DNAAF1: variants seen among roughly 807,000 people sequenced by gnomAD.
DNAAF1 encodes dynein axonemal assembly factor 1, also known as dynein assembly factor 1, axonemal.
Under a neutral mutation model 71.1 loss-of-function variants are expected in DNAAF1, and 65 were observed. The observed-to-expected ratio is 0.91, with a 90% CI of 0.75 to 1.12. DNAAF1 has a LOEUF of 1.12. DNAAF1 is among the 50% of genes most tolerant of loss of function. DNAAF1 has a pLI of 0.00. For missense variants in DNAAF1, 1,178 were observed against 899.8 expected (o/e 1.31, Z -3.96); for synonymous variants, 414 against 354.6 (o/e 1.17, Z -1.88).
chr16:84,150,367 T>G lies in DNAAF1; in HGVS notation c.352+25T>G, dbSNP rs372529898. 343 of 1,532,988 alleles carry G rather than the reference T, an allele frequency of 2.2e-4. 1 individual carries two copies. Among genetic ancestry groups the G allele is most frequent in the Admixed American group, 1.6e-3 (96 of 59,904 alleles). 95.0% of individuals were successfully genotyped at this position (1,532,988 alleles called of 1,614,324 possible). On this transcript the variant is annotated intron_variant, in intron 3 of 11. Coordinates refer to ENST00000378553, the MANE Select transcript of DNAAF1 (RefSeq NM_178452.6). Reference sequence around the variant, plus strand: ...GGTAAGGACCTAAGAGAGGAAGTGCTTCACGTCAGGTGGAAAGATTCTGTC... The same window carrying G: ...GGTAAGGACCTAAGAGAGGAAGTGCGTCACGTCAGGTGGAAAGATTCTGTC...
intron 6 of DNAAF1, 126 bp downstream of exon 6, chr16:84,159,922 C>G: frequency 9.2e-7 from 1 of 1,092,062 alleles, no homozygotes; most frequent in Non-Finnish European, 1.3e-6. Flanking sequence ...TGGAAATAGG[C>G]TTGATGGCTA....
chr16:84,175,787 A>C, intron 10 of DNAAF1, 146 bp from the exon 11 acceptor site: 1 of 1,030,864 alleles, frequency 9.7e-7, no homozygotes, highest in Non-Finnish European at 1.5e-6. Flanking sequence ...TAACTTTCAG[A>C]GTCCTGTGTT....
At chr16:84,156,559 T>G (rs542610547) in intron 5 of DNAAF1, among the ~76,000 whole-genome samples, 1 of 152,226 alleles carries the variant, frequency 6.6e-6, no homozygotes, top group Non-Finnish European at 1.5e-5. Context: ...CAGCCTGGTC[T>G]AGCCATTATG....
chr16:84,149,933 G>C (rs1421133587), intron 2 of DNAAF1, among the ~76,000 whole-genome samples: 1 of 151,996 alleles, frequency 6.6e-6, no homozygotes, highest in African/African-American at 2.4e-5. Flanking sequence ...GCTGAGGCAG[G>C]AGAATCGCTT....
intron 9 of DNAAF1, 154 bp downstream of exon 9, chr16:84,172,529 TC>T (rs926785448): frequency 2.0e-6 from 3 of 1,472,680 alleles, no homozygotes; most frequent in Admixed American, 2.1e-5. Context: ...AAATGCAGAC[TC>T]CCAGGCCTCA....
chr16:84,159,522 G>A (rs1007288400), intron 5 of DNAAF1, among the ~76,000 whole-genome samples, 153 bp from the exon 6 acceptor site: 23 of 152,172 alleles, frequency 1.5e-4, no homozygotes, highest in African/African-American at 4.8e-5. Flanking sequence ...GAAACCTTCC[G>A]ATTTCTCCCA....
intron 1 of DNAAF1, among the ~76,000 whole-genome samples, chr16:84,147,752 G>GCC (rs922871492): frequency 1.5e-4 from 23 of 150,484 alleles, no homozygotes; most frequent in African/African-American, 5.1e-4. Flanking sequence ...AAAGAAATAA[G>GCC]CCCCCCCCAA....
At chr16:84,152,804 A>C (rs1597411147) in intron 3 of DNAAF1, among the ~76,000 whole-genome samples, 1 of 152,172 alleles carries the variant, frequency 6.6e-6, no homozygotes, top group Non-Finnish European at 1.5e-5. Context: ...AAATACAAAA[A>C]TTAGCCAGGT....
intron 4 of DNAAF1, among the ~76,000 whole-genome samples, chr16:84,155,146 G>C (rs1382866016): frequency 6.6e-6 from 1 of 152,174 alleles, no homozygotes; most frequent in African/African-American, 2.4e-5. Flanking sequence ...CTGACCTCGT[G>C]ATCCGCCCGC....
chr16:84,173,003 A>G (rs1244249742), intron 9 of DNAAF1: 2 of 993,396 alleles, frequency 2.0e-6, no homozygotes, highest in South Asian at 9.0e-5. Context: ...TTGTCTCACA[A>G]CCCCCCAAGA....
In DNAAF1 at chr16:84,177,737, G is replaced by A; in HGVS notation, c.2074G>A (p.Glu692Lys). ...CACCCTTCCTTCCACAGTGCCGACTGAGAGCGCCGCCACACCCCCAGAGAC... is the reference window on the plus strand; with the variant it reads ...CACCCTTCCTTCCACAGTGCCGACTAAGAGCGCCGCCACACCCCCAGAGAC... ...FLAASSPVPT[E>K]SAATPPETCV... The change falls in exon 12 of 12, where the codon GAG becomes AAG. Residue 692 changes from glutamate (E) to lysine (K), a missense_variant. Transcript: ENST00000378553. The A allele has an allele frequency of 1.2e-6, 2 of 1,613,774 alleles. No homozygotes were observed. Among genetic ancestry groups the A allele is most frequent in the Non-Finnish European group, 1.7e-6 (2 of 1,179,890 alleles).
chr16:84,154,522 G>T, intron 3 of DNAAF1, 55 bp from the exon 4 acceptor site: 1 of 1,523,228 alleles, frequency 6.6e-7, no homozygotes, highest in South Asian at 1.1e-5. Flanking sequence ...GGGTGACCGT[G>T]ACCCCTCTGC....
intron 11 of DNAAF1, chr16:84,177,501 G>T: frequency 2.1e-6 from 1 of 468,516 alleles, no homozygotes; most frequent in Non-Finnish European, 4.0e-6. Flanking sequence ...GCTAATCTTT[G>T]TATTTTTAGT....
At chr16:84,177,652 C>G in intron 11 of DNAAF1, 77 bp from the exon 12 acceptor site, 2 of 1,307,288 alleles carry the variant, frequency 1.5e-6, no homozygotes, top group Non-Finnish European at 2.2e-6. Context: ...TTGGCCTGGA[C>G]TGAACCCCAA....
At chr16:84,161,050 G>A (rs1439207119) in intron 6 of DNAAF1, among the ~76,000 whole-genome samples, 1 of 152,154 alleles carries the variant, frequency 6.6e-6, no homozygotes, top group African/African-American at 2.4e-5. Context: ...AGAGCAGCCA[G>A]TGTGCAGGGG....
At chr16:84,148,594 C>CTTTTTTTT (rs2087025255) in intron 1 of DNAAF1, among the ~76,000 whole-genome samples, 1 of 30,048 alleles carries the variant, frequency 3.3e-5, no homozygotes, top group African/African-American at 1.1e-4. Flanking sequence ...CTCTCTCTCT[C>CTTTTTTTT]TCTTTTTTTT....
At chr16:84,173,654 T>A in intron 9 of DNAAF1, 1 of 320,358 alleles carries the variant, frequency 3.1e-6, no homozygotes, top group Non-Finnish European at 4.5e-6. Context: ...GCCAACATGG[T>A]GAAACCCCAT....
chr16:84,158,151 C>G (rs1436977066), intron 5 of DNAAF1, among the ~76,000 whole-genome samples: 1 of 152,064 alleles, frequency 6.6e-6, no homozygotes, highest in Admixed American at 6.5e-5. Context: ...CTTGCAGCGA[C>G]CCGAGATCGC....
intron 1 of DNAAF1, among the ~76,000 whole-genome samples, chr16:84,147,418 T>C (rs16962873): frequency 0.063 from 9,587 of 152,268 alleles, 438 homozygotes; most frequent in South Asian, 0.21. Flanking sequence ...CAATTTTGAA[T>C]GACCTTTAAA....
Sources: gnomAD v4.1 joint callset for allele counts (sites outside exome capture counted in the v4.1 genomes callset) on GRCh38, gnomAD v4.1.1 for gene constraint, MANE v1.5 for transcripts, NCBI Gene and HGNC (gene_info 2026-07-23, HGNC 2026-07-21) for gene names.